The following EFCAB13 variants were observed in gnomAD, a reference collection of about 807,000 sequenced individuals.
EFCAB13 encodes EF-hand calcium-binding domain-containing protein 13.
Under a neutral mutation model 110.2 loss-of-function variants are expected in EFCAB13, and 91 were observed. The ratio of observed to expected loss-of-function variants is 0.83; its 90% CI spans 0.70 to 0.98. The LOEUF is 0.98. Among genes scored for constraint, EFCAB13 ranks in the 50% least tolerant of loss-of-function variants. The probability of loss-of-function intolerance (pLI) is 0.00; values close to 1 mark genes in which losing one functional copy is unlikely to be tolerated. For synonymous variants in EFCAB13, 323 were observed against 369.9 expected, an observed-to-expected ratio of 0.87 and a Z score of 1.45; for missense variants, 968 against 1,119.4, an observed-to-expected ratio of 0.86 and a Z score of 1.93.
At chr17:47,365,171 T>C (rs1002464715) in intron 10 of EFCAB13, among the ~76,000 whole-genome samples, 7 of 152,254 alleles carry the variant, frequency 4.6e-5, no homozygotes, top group African/African-American at 7.2e-5. Flanking sequence ...TGAGCAGATA[T>C]CATGTCTGCT....
Position 47,397,664 on chromosome 17 carries a change from G to A in EFCAB13, c.1945+1687G>A, listed in dbSNP as rs544332312. 2.4e-3 allele frequency among the ~76,000 whole-genome samples: 351 copies of A among 146,746 alleles called. 4 individuals carry two copies. Among genetic ancestry groups the A allele is most frequent in the African/African-American group, 8.8e-3 (342 of 39,078 alleles). On this transcript the variant is annotated intron_variant, in intron 17 of 24. Coordinates refer to ENST00000331493, the MANE Select transcript of EFCAB13 (RefSeq NM_152347.5). ...ATGTGGGGAGAGCCTCTACCCCGCC[G>A]CCCCGCCTGGGATGTGAGGAGCGCC...
intron 23 of EFCAB13, among the ~76,000 whole-genome samples, chr17:47,421,556 C>T (rs1417705895): frequency 6.6e-6 from 1 of 151,234 alleles, no homozygotes; most frequent in Non-Finnish European, 1.5e-5. Context: ...ATCTGCTGAC[C>T]TTCCCTCCAC....
At chr17:47,356,508 C>G (rs1000159518) in intron 9 of EFCAB13, among the ~76,000 whole-genome samples, 21 of 152,166 alleles carry the variant, frequency 1.4e-4, no homozygotes, top group African/African-American at 4.3e-4. Context: ...ATCTAGCCAC[C>G]CAGTGGAGCT....
chr17:47,360,833 T>C (rs2065508697), intron 9 of EFCAB13, among the ~76,000 whole-genome samples: 1 of 152,206 alleles, frequency 6.6e-6, no homozygotes, highest in African/African-American at 2.4e-5. Flanking sequence ...CAGTTTCAGC[T>C]TTCTACAAAT....
intron 7 of EFCAB13, 24 bp downstream of exon 7, chr17:47,344,316 T>A: frequency 1.2e-6 from 2 of 1,603,750 alleles, no homozygotes; most frequent in East Asian, 2.2e-5. Flanking sequence ...TGTACTCTAT[T>A]TTTTAAATGT....
intron 4 of EFCAB13, among the ~76,000 whole-genome samples, chr17:47,330,922 C>T (rs1729997663): frequency 6.6e-6 from 1 of 152,048 alleles, no homozygotes; most frequent in South Asian, 2.1e-4. Context: ...ATCCCATCTG[C>T]ACCAACATTT....
chr17:47,423,380 T>G lies in EFCAB13; in HGVS notation c.2495-6438T>G, dbSNP rs1002374749. 73 of 157,288 alleles carry G rather than the reference T, an allele frequency of 4.6e-4. 1 individual carries two copies. Among genetic ancestry groups the G allele is most frequent in the African/African-American group, 1.6e-3 (67 of 41,612 alleles). The allele number at this position is 157,288 out of a possible 1,614,324, so 9.7% of individuals were successfully genotyped here. Reference sequence around the variant, plus strand: ...ACTGTACTTGCAATTTTTCTGAGGGTTTGAGATTGTTTAAAAATAAAAAAG... The same window carrying G: ...ACTGTACTTGCAATTTTTCTGAGGGGTTGAGATTGTTTAAAAATAAAAAAG... On this transcript the variant is annotated intron_variant, in intron 23 of 24. Transcript: ENST00000331493.
intron 6 of EFCAB13, 46 bp downstream of exon 6, chr17:47,342,078 C>T (rs773810062): frequency 7.9e-6 from 9 of 1,136,138 alleles, no homozygotes; most frequent in East Asian, 7.5e-5. Context: ...AAATATTTTC[C>T]TTAGCCCTCA....
intron 4 of EFCAB13, among the ~76,000 whole-genome samples, chr17:47,334,653 T>C (rs72825646): frequency 0.065 from 9,937 of 152,266 alleles, 377 homozygotes; most frequent in East Asian, 0.17. Context: ...AGGTAGCTCA[T>C]GCCTGTAATT....
chr17:47,341,710 A>G (rs575652846), intron 5 of EFCAB13, among the ~76,000 whole-genome samples: 1 of 152,318 alleles, frequency 6.6e-6, no homozygotes, highest in Admixed American at 6.5e-5. Context: ...TAAAATCTTT[A>G]CAGATGGAAA....
intron 23 of EFCAB13, among the ~76,000 whole-genome samples, chr17:47,420,182 T>C (rs4968228): frequency 0.64 from 97,035 of 152,168 alleles, 31,482 homozygotes; most frequent in African/African-American, 0.73. Flanking sequence ...GCTCCTAACG[T>C]GAGTGATCCG....
chr17:47,351,187 G>A (rs1167469778), intron 9 of EFCAB13, among the ~76,000 whole-genome samples: 1 of 152,000 alleles, frequency 6.6e-6, no homozygotes, highest in Non-Finnish European at 1.5e-5. Context: ...AGTGAAACAA[G>A]TCAGAAACAG....
In EFCAB13 at chr17:47,374,669, AG is replaced by A. The variant is rs775427011; in HGVS notation, c.1076del (p.Arg359AsnfsTer8). ...GGAGAATGATGACCTTGAATCTAAA[AG>A]ACCAAAAAATACTTGGCAAATAAGA... ...IMENDDLESK[R>X]PKNTWQIRKF... On this transcript the variant is annotated frameshift_variant, in exon 12 of 25. Coordinates refer to ENST00000331493, the MANE Select transcript of EFCAB13 (RefSeq NM_152347.5). LOFTEE classifies it high-confidence loss of function. The A allele has an allele frequency of 1.2e-6, 2 of 1,611,438 alleles. No homozygotes were observed. Among genetic ancestry groups the A allele is most frequent in the Admixed American group, 3.4e-5 (2 of 59,446 alleles).
At chr17:47,336,568 G>A (rs1267932805) in intron 5 of EFCAB13, among the ~76,000 whole-genome samples, 1 of 150,324 alleles carries the variant, frequency 6.7e-6, no homozygotes, top group African/African-American at 2.5e-5. Flanking sequence ...TGGGATTATA[G>A]GCGTGAGCCA....
intron 9 of EFCAB13, among the ~76,000 whole-genome samples, chr17:47,355,925 G>T (rs2065478360): frequency 6.6e-6 from 1 of 151,904 alleles, no homozygotes; most frequent in South Asian, 2.1e-4. Flanking sequence ...TGTTGCCTCG[G>T]GTTAATTAGA....
chr17:47,423,330 GAT>G (rs1479544881), intron 23 of EFCAB13: 1 of 153,018 alleles, frequency 6.5e-6, no homozygotes, highest in Non-Finnish European at 1.5e-5. Flanking sequence ...TTTACATTAA[GAT>G]ATTTCAGATA....
intron 7 of EFCAB13, 104 bp downstream of exon 7, chr17:47,344,396 A>T (rs1405372342): frequency 1.5e-6 from 2 of 1,325,946 alleles, no homozygotes; most frequent in Non-Finnish European, 2.1e-6. Flanking sequence ...GAAGTAGTTT[A>T]TGCTAATTAT....
chr17:47,324,438 CTCTT>C lies in EFCAB13; in HGVS notation c.-317-11_-317-8del, dbSNP rs2065268597. ...TCGTTCACTCGCTAGCTTACAGGTC[CTCTT>C]TCTTCCTGTAGAAGTCGTTGGCTTC... On this transcript the variant is annotated splice_polypyrimidine_tract_variant and intron_variant, in intron 1 of 24. Coordinates refer to ENST00000331493, the MANE Select transcript of EFCAB13 (RefSeq NM_152347.5). The C allele has an allele frequency of 6.6e-6, 1 of 152,120 alleles. No homozygotes were observed. Among genetic ancestry groups the C allele is most frequent in the Non-Finnish European group, 1.5e-5 (1 of 68,038 alleles). 9.4% of individuals were successfully genotyped at this position (152,120 alleles called of 1,614,324 possible).
At position 47,391,521 on chromosome 17, in the gene EFCAB13, T is replaced by G. The variant is rs756778961; in HGVS notation, c.1667T>G (p.Phe556Cys). The G allele has an allele frequency of 1.0e-5, 16 of 1,594,686 alleles. No homozygotes were observed. The South Asian group carries it at 1.9e-4, about 19-fold the overall frequency. ...YEDLNTCLQN[F>C]GIYLSKPEFK... ...GATCTAAATACTTGTCTTCAAAATT[T>G]TGGTATTTACCTTTCTAAGCCAGAA... is the stretch of plus-strand genomic sequence containing the variant. Residue 556 changes from phenylalanine (F) to cysteine (C), a missense_variant, in exon 15 of 25, where the codon TTT becomes TGT. Phe to Cys is a radical substitution (Grantham distance 205). Transcript: ENST00000331493.
Sources: gnomAD v4.1 joint callset for allele counts (sites outside exome capture counted in the v4.1 genomes callset) on GRCh38, gnomAD v4.1.1 for gene constraint, MANE v1.5 for transcripts, NCBI Gene and HGNC (gene_info 2026-07-23, HGNC 2026-07-21) for gene names.